The following SLC30A7 variants were observed in gnomAD, a reference collection of about 807,000 sequenced individuals.
SLC30A7 encodes zinc transporter 7.
In SLC30A7, 35 loss-of-function variants were observed where a neutral mutation model predicts 46.0. The observed-to-expected ratio is 0.76, with a 90% CI of 0.58 to 1.01. The LOEUF (loss-of-function observed/expected upper bound fraction) is 1.01. Among genes scored for constraint, SLC30A7 ranks in the 50% least tolerant of loss-of-function variants. SLC30A7 has a pLI of 0.00. For missense variants in SLC30A7, 464 were observed against 451.1 expected (o/e 1.03, Z -0.26); for synonymous variants, 147 against 157.8 (o/e 0.93, Z 0.51).
chr1:100,991,577 C>T, the SLC30A7 span, among the ~76,000 whole-genome samples: 1 of 151,982 alleles, frequency 6.6e-6, no homozygotes. Context: ...CGCTTGAGCT[C>T]AGGAGTTTGA....
At chr1:100,939,320 G>C (rs1310703094) in intron 8 of SLC30A7, among the ~76,000 whole-genome samples, 1 of 152,030 alleles carries the variant, frequency 6.6e-6, no homozygotes, top group Admixed American at 6.5e-5. Context: ...AGACAATTTA[G>C]CAAAGTTACA....
chr1:100,986,860 C>T, the SLC30A7 span, among the ~76,000 whole-genome samples: 2 of 152,140 alleles, frequency 1.3e-5, no homozygotes, highest in East Asian at 3.8e-4. Flanking sequence ...TGTTTCACTA[C>T]ATGATAATTT....
At chr1:100,932,363 C>T (rs1312664938) in intron 8 of SLC30A7, among the ~76,000 whole-genome samples, 1 of 151,932 alleles carries the variant, frequency 6.6e-6, no homozygotes, top group Non-Finnish European at 1.5e-5. Context: ...TGCAGTGAGC[C>T]GAGATTGCGC....
chr1:100,896,093 A>T lies in SLC30A7; in HGVS notation c.-170A>T. ...GACGCGTTGCGCGGCCCGGGCCGGA[A>T]GTAAGCGAATTCCCGGGTGTGTGTC... On this transcript the variant is annotated 5_prime_UTR_variant, in exon 1 of 11. In the 5' UTR this introduces an upstream ATG that the reference lacks. Transcript: ENST00000357650. 1 of 638,966 alleles carries T rather than the reference A, an allele frequency of 1.6e-6. No homozygotes were observed. Among genetic ancestry groups the T allele is most frequent in the African/African-American group, 1.8e-5 (1 of 55,432 alleles). 39.6% of individuals were successfully genotyped at this position (638,966 alleles called of 1,614,324 possible). A position where few individuals can be genotyped will look rare whatever the true frequency, so the allele number is the denominator to read the frequency against.
At chr1:100,944,410 C>T (rs1036460447) in intron 8 of SLC30A7, among the ~76,000 whole-genome samples, 1 of 151,832 alleles carries the variant, frequency 6.6e-6, no homozygotes, top group Non-Finnish European at 1.5e-5. Flanking sequence ...AAAAGTAAGT[C>T]AAAAACGTGA....
intron 8 of SLC30A7, among the ~76,000 whole-genome samples, chr1:100,952,569 C>T (rs1655014083): frequency 6.6e-6 from 1 of 151,854 alleles, no homozygotes; most frequent in African/African-American, 2.4e-5. Flanking sequence ...TCATTCATCA[C>T]CAAATGGGGA....
At chr1:100,983,075 G>A (rs1657042315), downstream of SLC30A7, among the ~76,000 whole-genome samples, 1 of 152,146 alleles carries the variant, frequency 6.6e-6, no homozygotes, top group Admixed American at 6.5e-5. Flanking sequence ...CAGTCCTCTA[G>A]CTCAGGAATC....
chr1:100,896,227 AGGGGAGTAGACCCGGCCCTTCGCC>A lies in SLC30A7; in HGVS notation c.-32_-9del, dbSNP rs1387859828. On this transcript the variant is annotated 5_prime_UTR_variant, in exon 1 of 11. Transcript: ENST00000357650. ...CATCACCCCACGGAGCCACTTCTAG[AGGGGAGTAGACCCGGCCCTTCGCC>A]GGGCAGAGAAGATGTTGCCCCTGTC... The A allele has an allele frequency of 1.3e-6, 2 of 1,599,968 alleles. No homozygotes were observed. Among genetic ancestry groups the A allele is most frequent in the Non-Finnish European group, 1.7e-6 (2 of 1,167,314 alleles).
At position 100,911,074 on chromosome 1, in the gene SLC30A7, C is replaced by G; in HGVS notation, c.308C>G (p.Ala103Gly). The G allele has an allele frequency of 6.2e-7, 1 of 1,610,068 alleles. No homozygotes were observed. The highest frequency in any genetic ancestry group is 2.2e-5 in the East Asian group (1 of 44,738). ...TTGTTCCTCTTTAGGTATGTTAGAG[C>G]GGAAGTTCTGGCTGGCTTTGTCAAT... ...NDAFSYGYVR[A>G]EVLAGFVNGL... Residue 103 changes from alanine (A) to glycine (G), a missense_variant, in exon 4 of 11, where the codon GCG (alanine) becomes GGG (glycine). Physicochemically the swap from Ala to Gly is moderately conservative, Grantham distance 60. Transcript: ENST00000357650.
intron 8 of SLC30A7, among the ~76,000 whole-genome samples, chr1:100,922,740 AATTAG>A (rs1279589645): frequency 6.6e-6 from 1 of 152,186 alleles, no homozygotes; most frequent in Non-Finnish European, 1.5e-5. Context: ...ATATTTGCTG[AATTAG>A]ATTGTACAGT....
intron 4 of SLC30A7, 65 bp from the exon 5 acceptor site, chr1:100,912,047 G>T: frequency 7.0e-7 from 1 of 1,431,990 alleles, no homozygotes; most frequent in South Asian, 1.3e-5. Flanking sequence ...GTTGTCTTAT[G>T]ATTTTGTTAG....
chr1:100,915,907 C>T (rs145188287), intron 6 of SLC30A7, among the ~76,000 whole-genome samples: 1 of 152,082 alleles, frequency 6.6e-6, no homozygotes, highest in Non-Finnish European at 1.5e-5. Flanking sequence ...CAAGGGTTTC[C>T]TTTTCTCTAC....
intron 3 of SLC30A7, among the ~76,000 whole-genome samples, chr1:100,908,845 T>G (rs1278489564): frequency 6.6e-6 from 1 of 152,146 alleles, no homozygotes; most frequent in Admixed American, 6.5e-5. Context: ...TAGCTGACTA[T>G]TGAAAATTCT....
intron 2 of SLC30A7, among the ~76,000 whole-genome samples, chr1:100,898,226 T>C (rs1044161545): frequency 2.0e-5 from 3 of 152,206 alleles, no homozygotes; most frequent in Non-Finnish European, 4.4e-5. Flanking sequence ...TTCCATTACA[T>C]AAGTCACTCT....
At chr1:100,910,928 A>G (rs1011004819) in intron 3 of SLC30A7, 135 bp from the exon 4 acceptor site, 1 of 627,246 alleles carries the variant, frequency 1.6e-6, no homozygotes, top group African/African-American at 1.8e-5. Flanking sequence ...AATGCACTGT[A>G]CTATAAACAC....
At chr1:100,994,153 A>G in the SLC30A7 span, among the ~76,000 whole-genome samples, 2 of 152,178 alleles carry the variant, frequency 1.3e-5, no homozygotes, top group African/African-American at 2.4e-5. Flanking sequence ...TTGAAATCTG[A>G]TATGTTCTTA....
intron 3 of SLC30A7, among the ~76,000 whole-genome samples, chr1:100,909,196 T>G (rs1285413536): frequency 6.6e-6 from 1 of 152,126 alleles, no homozygotes; most frequent in African/African-American, 2.4e-5. Flanking sequence ...TGACACTGAT[T>G]AATTCATGTT....
In SLC30A7 at chr1:100,915,165, T is replaced by TCCTCC. The variant is rs1169583893; in HGVS notation, c.655+1360_655+1361insCTCCC. On this transcript the variant is annotated intron_variant, in intron 6 of 10. Transcript: ENST00000357650. Reference sequence around the variant, plus strand: ...TCTTTCCCTCCCTCCCTTCCTCACTTCTTTTCTTTTTTCTTTTCTTTTCTT... The same window carrying TCCTCC: ...TCTTTCCCTCCCTCCCTTCCTCACTTCCTCCCTTTTCTTTTTTCTTTTCTTTTCTT... Among the ~76,000 whole-genome samples the TCCTCC allele has an allele frequency of 7.4e-4, 111 of 150,246 alleles. 4 individuals are homozygous for TCCTCC. The highest frequency in any genetic ancestry group is 6.8e-3 in the Middle Eastern group (2 of 294).
chr1:100,919,278 T>A (rs1181926263), intron 7 of SLC30A7, among the ~76,000 whole-genome samples: 1 of 152,150 alleles, frequency 6.6e-6, no homozygotes, highest in East Asian at 1.9e-4. Flanking sequence ...TCTCTGGCTC[T>A]GAGTTTCCAT....
Sources: gnomAD v4.1 joint callset for allele counts (sites outside exome capture counted in the v4.1 genomes callset) on GRCh38, gnomAD v4.1.1 for gene constraint, MANE v1.5 for transcripts, NCBI Gene and HGNC (gene_info 2026-07-23, HGNC 2026-07-21) for gene names.